The following IGFL2 variants were observed in gnomAD, a reference collection of about 807,000 sequenced individuals.
The protein encoded by IGFL2 is insulin growth factor-like family member 2.
Under a neutral mutation model 13.9 loss-of-function variants are expected in IGFL2, and 7 were observed. The observed-to-expected ratio is 0.51, with a 90% CI of 0.29 to 0.95. The LOEUF is 0.95. Among genes scored for constraint, IGFL2 ranks in the 40% least tolerant of loss-of-function variants. IGFL2 has a pLI of 0.08. For missense variants in IGFL2, 138 were observed against 147.8 expected (o/e 0.93, Z 0.34); for synonymous variants, 55 against 55.8 (o/e 0.99, Z 0.07).
rs1226353413 is a variant in IGFL2 at position 46,148,243 on chromosome 19, G to T, written c.-36G>T. 6.5e-7 allele frequency: 1 copy of T among 1,548,864 alleles called. No homozygotes were observed. The highest frequency in any genetic ancestry group is 2.4e-5 in the East Asian group (1 of 40,904). On this transcript the variant is annotated 5_prime_UTR_variant, in exon 1 of 4. Coordinates refer to ENST00000377693, the MANE Select transcript of IGFL2 (RefSeq NM_001135113.2). ...CCTGTATAAAGTCACTGACCCATTTGCACTGCTGCTGTCCCATCAGCTGCT... is the reference window on the plus strand; with the variant it reads ...CCTGTATAAAGTCACTGACCCATTTTCACTGCTGCTGTCCCATCAGCTGCT...
chr19:46,094,034 ATTT>A, the IGFL2 span, among the ~76,000 whole-genome samples: 14 of 114,222 alleles, frequency 1.2e-4, no homozygotes, highest in African/African-American at 2.0e-4. Context: ...GCCTTGGAGG[ATTT>A]TTTTTTTTTT....
At chr19:46,086,214 C>G in the IGFL2 span, among the ~76,000 whole-genome samples, 1 of 152,030 alleles carries the variant, frequency 6.6e-6, no homozygotes, top group Non-Finnish European at 1.5e-5. Context: ...TCATTCATAG[C>G]CCGAATTGTT....
At chr19:46,179,347 G>C in the IGFL2 span, 1 of 141,564 alleles carries the variant, frequency 7.1e-6, no homozygotes, top group Non-Finnish European at 1.4e-5. Context: ...GTCATAGGGT[G>C]GGGGGGGTCT....
chr19:46,214,889 G>GACACACACA, the IGFL2 span: 1 of 122,572 alleles, frequency 8.2e-6, no homozygotes, highest in Non-Finnish European at 1.9e-5. Context: ...ACACACGCGT[G>GACACACACA]CGCGCACACA....
At chr19:46,199,881 A>T in the IGFL2 span, among the ~76,000 whole-genome samples, 3 of 151,072 alleles carry the variant, frequency 2.0e-5, no homozygotes, top group East Asian at 1.9e-4. Flanking sequence ...TCCTTTTTAA[A>T]TTTTTTTTTT....
the IGFL2 span, among the ~76,000 whole-genome samples, chr19:46,206,012 A>G: frequency 5.9e-5 from 9 of 152,224 alleles, no homozygotes; most frequent in Admixed American, 1.3e-4. Context: ...TTGTTGTCAT[A>G]CAGGGAGATA....
downstream of IGFL2, among the ~76,000 whole-genome samples, chr19:46,163,377 T>C (rs944190666): frequency 4.6e-5 from 7 of 152,160 alleles, no homozygotes; most frequent in Admixed American, 1.3e-4. Context: ...GGGGGCTCCA[T>C]TCCAGAGAGA....
the IGFL2 span, among the ~76,000 whole-genome samples, chr19:46,097,906 G>A: frequency 1.3e-5 from 2 of 152,234 alleles, no homozygotes; most frequent in Non-Finnish European, 2.9e-5. Flanking sequence ...ATTTGCTAAA[G>A]AGTGTTTTAC....
the IGFL2 span, among the ~76,000 whole-genome samples, chr19:46,192,569 A>C: frequency 6.6e-6 from 1 of 151,512 alleles, no homozygotes. Flanking sequence ...ACAGGTGCCC[A>C]CCACCATGCC....
At chr19:46,127,529 C>T in the IGFL2 span, among the ~76,000 whole-genome samples, 1 of 152,070 alleles carries the variant, frequency 6.6e-6, no homozygotes, top group Non-Finnish European at 1.5e-5. Flanking sequence ...AATTTAGGTC[C>T]CGGACAATTT....
chr19:46,168,148 T>C, the IGFL2 span, among the ~76,000 whole-genome samples: 2 of 152,236 alleles, frequency 1.3e-5, no homozygotes, highest in Non-Finnish European at 2.9e-5. Flanking sequence ...TTGCCCATCT[T>C]GGTCTCAAAC....
At chr19:46,173,217 A>G in the IGFL2 span, among the ~76,000 whole-genome samples, 1 of 152,226 alleles carries the variant, frequency 6.6e-6, no homozygotes, top group Non-Finnish European at 1.5e-5. Flanking sequence ...ACGTGTCCCC[A>G]ACACCACTGT....
chr19:46,115,432 G>T, the IGFL2 span, among the ~76,000 whole-genome samples: 9 of 152,182 alleles, frequency 5.9e-5, no homozygotes, highest in African/African-American at 1.9e-4. Context: ...AAGACAAAAT[G>T]AAATGCAGCG....
chr19:46,155,170 G>A (rs1277722712), intron 1 of IGFL2, among the ~76,000 whole-genome samples: 1 of 152,228 alleles, frequency 6.6e-6, no homozygotes, highest in South Asian at 2.1e-4. Context: ...GCTAGGAGGA[G>A]GGGCTGGATG....
intron 1 of IGFL2, among the ~76,000 whole-genome samples, chr19:46,156,319 G>T (rs10411201): frequency 0.02 from 3,003 of 151,984 alleles, 95 homozygotes; most frequent in African/African-American, 0.069. Context: ...TTTTGCAGAG[G>T]TTTCTCACCT....
chr19:46,181,231 C>T, the IGFL2 span: 1 of 151,868 alleles, frequency 6.6e-6, no homozygotes, highest in East Asian at 1.9e-4. Context: ...ATTTCTTATT[C>T]CAGCACAGAG....
chr19:46,187,653 T>C, the IGFL2 span, among the ~76,000 whole-genome samples: 38 of 124,086 alleles, frequency 3.1e-4, no homozygotes, highest in African/African-American at 7.8e-4. Context: ...TGATCAGAGA[T>C]GGTGAGCATT....
At chr19:46,087,059 C>T in the IGFL2 span, among the ~76,000 whole-genome samples, 1 of 152,186 alleles carries the variant, frequency 6.6e-6, no homozygotes, top group African/African-American at 2.4e-5. Context: ...GGGTGGCATA[C>T]ACTGGCATCA....
chr19:46,197,546 CTCAGTGTCTCTGTCT>C, the IGFL2 span, among the ~76,000 whole-genome samples: 13 of 152,272 alleles, frequency 8.5e-5, no homozygotes, highest in African/African-American at 3.1e-4. Flanking sequence ...CTCTGGCCTG[CTCAGTGTCTCTGTCT>C]TCAGTGTCAG....
Sources: allele counts gnomAD v4.1 joint callset (sites outside exome capture counted in the v4.1 genomes callset), GRCh38; gene constraint gnomAD v4.1.1; transcripts MANE v1.5; gene names NCBI Gene and HGNC (gene_info 2026-07-23, HGNC 2026-07-21).